PUM3: variants seen among roughly 807,000 people sequenced by gnomAD.
PUM3 encodes the protein pumilio homolog 3.
Under a neutral mutation model 84.0 loss-of-function variants are expected in PUM3, and 91 were observed. That is an observed-to-expected ratio of 1.08 (90% CI 0.91 to 1.29). The LOEUF is 1.29. PUM3 is among the 50% of genes most tolerant of loss of function. PUM3 has a pLI of 0.00. For missense variants in PUM3, 1,067 were observed against 767.5 expected (o/e 1.39, Z -4.61); for synonymous variants, 321 against 266.7 (o/e 1.20, Z -1.98).
chr9:2,819,974 G>C (rs781202962), intron 13 of PUM3, 44 bp downstream of exon 13: 1 of 1,295,922 alleles, frequency 7.7e-7, no homozygotes, highest in Non-Finnish European at 1.1e-6. Context: ...TCCACAACTG[G>C]TTTATCGATG....
At chr9:2,804,554 G>C (rs1375222349) in intron 17 of PUM3, 91 bp from the exon 18 acceptor site, 1 of 1,203,722 alleles carries the variant, frequency 8.3e-7, no homozygotes, top group Non-Finnish European at 1.2e-6. Context: ...TTTGTTAACT[G>C]TGACACAAGC....
chr9:2,837,365 A>G lies in PUM3; in HGVS notation c.119T>C (p.Val40Ala). The stretch of plus-strand genomic sequence containing the variant: ...GACTTTAGGTCCACCTTCTTTAGCA[A>G]CTTTCCTTGTTGGAAATGTCTTTGA... ...GSSKTFPTRK[V>A]AKEGGPKVTS... The change falls in exon 3 of 18, where the codon GTT (valine) becomes GCT (alanine). Residue 40 changes from valine to alanine, a missense_variant. Val to Ala is a moderately conservative substitution (Grantham distance 64, BLOSUM62 0). Transcript: ENST00000397885. 1.2e-6 allele frequency: 2 copies of G among 1,613,646 alleles called. No individual in the cohort carries two copies. Among genetic ancestry groups the G allele is most frequent in the Non-Finnish European group, 1.7e-6 (2 of 1,179,740 alleles).
At chr9:2,843,636 T>C (rs1816327052) in intron 1 of PUM3, among the ~76,000 whole-genome samples, 1 of 144,032 alleles carries the variant, frequency 6.9e-6, no homozygotes. Context: ...TGGAGTGTAG[T>C]GGCACGATCT....
At chr9:2,813,775 C>G (rs1305824021) in intron 13 of PUM3, among the ~76,000 whole-genome samples, 1 of 152,142 alleles carries the variant, frequency 6.6e-6, no homozygotes, top group Admixed American at 6.6e-5. Flanking sequence ...GTTCCAAACA[C>G]CATGTTTCTC....
At chr9:2,807,785 G>T in intron 17 of PUM3, 29 bp downstream of exon 17, 1 of 1,411,800 alleles carries the variant, frequency 7.1e-7, no homozygotes, top group Non-Finnish European at 1.0e-6. Context: ...ACCAGGCCCT[G>T]CTCAGAGAAG....
chr9:2,812,170 T>A (rs1386227081), intron 14 of PUM3, 50 bp downstream of exon 14: 3 of 1,533,182 alleles, frequency 2.0e-6, no homozygotes, highest in Non-Finnish European at 2.7e-6. Flanking sequence ...AATGCACTAC[T>A]CAACATTAAC....
In PUM3 at chr9:2,824,779, G is replaced by C. The variant is rs781640015; in HGVS notation, c.1072C>G (p.Leu358Val). The change falls in exon 11 of 18, where the codon CTG becomes GTG. Residue 358 changes from leucine to valine, a missense_variant. By Grantham distance (32) the Leu-to-Val change is conservative (BLOSUM62 1). Coordinates refer to ENST00000397885, the MANE Select transcript of PUM3 (RefSeq NM_014878.5). ...IEAIREAVVY[L>V]AHTHDGARVA... ...CTGGCGCCATCGTGTGTGTGTGCCA[G>C]GTAGACCACCGCTTCGCGGATGGCT... 1 of 1,584,940 alleles carries C rather than the reference G, an allele frequency of 6.3e-7. No homozygotes were observed. Among genetic ancestry groups the C allele is most frequent in the African/African-American group, 1.3e-5 (1 of 74,598 alleles).
At chr9:2,821,955 T>C (rs750821202) in intron 12 of PUM3, among the ~76,000 whole-genome samples, 13 of 152,188 alleles carry the variant, frequency 8.5e-5, no homozygotes, top group Admixed American at 6.5e-5. Flanking sequence ...CAGATGTATG[T>C]ATATTGAAAT....
At position 2,812,378 on chromosome 9, in the gene PUM3, C is replaced by T. The variant is rs767067634; in HGVS notation, c.1270-16G>A. ...TGATAATTTCCTATAAAATTATAAA[C>T]AAAAAAAAAGAATCAATATCTGCAT... On this transcript the variant is annotated splice_polypyrimidine_tract_variant and intron_variant, in intron 13 of 17. Transcript: ENST00000397885. 3.4e-6 allele frequency: 5 copies of T among 1,471,370 alleles called. No individual in the cohort carries two copies. In the African/African-American group the frequency reaches 4.3e-5, roughly 13 times the overall value. 91.1% of individuals were successfully genotyped at this position (1,471,370 alleles called of 1,614,324 possible). A position where few individuals can be genotyped will look rare whatever the true frequency, so the allele number is the denominator to read the frequency against.
chr9:2,842,860 T>C (rs1397469020), intron 1 of PUM3, among the ~76,000 whole-genome samples: 2 of 152,212 alleles, frequency 1.3e-5, no homozygotes, highest in East Asian at 1.9e-4. Flanking sequence ...ATACTATTTT[T>C]CCCTGCCCTA....
Position 2,831,015 on chromosome 9 carries a change from C to T in PUM3, c.624G>A (p.Glu208=). The T allele has an allele frequency of 6.7e-7, 1 of 1,492,244 alleles. No individual in the cohort carries two copies. Among genetic ancestry groups the T allele is most frequent in the Non-Finnish European group, 9.3e-7 (1 of 1,075,730 alleles). The allele number at this position is 1,492,244 out of a possible 1,614,324, so 92.4% of individuals were successfully genotyped here. A position where few individuals can be genotyped will look rare whatever the true frequency, so the allele number is the denominator to read the frequency against. Residue 208 remains glutamate (E), a synonymous_variant, in exon 7 of 18, where the codon GAG becomes GAA. Transcript: ENST00000397885. ...AFEELRDDLV[E]LSKAKYSRNI... is the part of the protein sequence containing the mutation. Reference sequence around the variant, plus strand: ...TTCTCGAATATTTGGCTTTACTTAACTCAACCAAATCATCTGAAAAACAAA... The same window carrying T: ...TTCTCGAATATTTGGCTTTACTTAATTCAACCAAATCATCTGAAAAACAAA...
At chr9:2,821,773 C>A (rs868495091) in intron 12 of PUM3, among the ~76,000 whole-genome samples, 5 of 152,074 alleles carry the variant, frequency 3.3e-5, no homozygotes, top group African/African-American at 1.2e-4. Flanking sequence ...ATCTTGCAGA[C>A]GTGTTTCCAT....
chr9:2,822,982 C>T (rs1313494243), intron 12 of PUM3, among the ~76,000 whole-genome samples: 1 of 151,588 alleles, frequency 6.6e-6, no homozygotes, highest in African/African-American at 2.4e-5. Flanking sequence ...TTGAAGTATT[C>T]CCCAGATGCT....
intron 9 of PUM3, among the ~76,000 whole-genome samples, chr9:2,827,861 T>C (rs1563832260): frequency 1.3e-5 from 2 of 152,270 alleles, no homozygotes; most frequent in Admixed American, 1.3e-4. Context: ...AATATGGTAA[T>C]TGAGGCACAG....
rs769776827 is a variant in PUM3 at position 2,837,271 on chromosome 9, C to T, written c.213G>A (p.Lys71=). 1.9e-6 allele frequency: 3 copies of T among 1,613,994 alleles called. No individual in the cohort carries two copies. The African/African-American group carries it at 4.0e-5, about 22-fold the overall frequency. ...GKKGVKQFKN[K]QQGDKSPKNK... ...TCTTTGGTGATTTGTCCCCTTGCTG[C>T]TTATTCTTGAACTGCTTTACACCCT... The change falls in exon 3 of 18, where the codon AAG becomes AAA. Residue 71 remains lysine (K), a synonymous_variant. Coordinates refer to ENST00000397885, the MANE Select transcript of PUM3 (RefSeq NM_014878.5).
intron 11 of PUM3, 46 bp from the exon 12 acceptor site, chr9:2,823,880 A>T (rs1815736208): frequency 2.0e-6 from 2 of 1,023,156 alleles, no homozygotes; most frequent in South Asian, 1.6e-5. Context: ...TTATGTATTA[A>T]GGGTATTTTG....
At chr9:2,843,779 C>T (rs921670062) in intron 1 of PUM3, among the ~76,000 whole-genome samples, 5 of 151,922 alleles carry the variant, frequency 3.3e-5, no homozygotes, top group African/African-American at 1.2e-4. Flanking sequence ...GGGGTTTCAC[C>T]GTGTTAGCCA....
rs750879430 is a variant in PUM3, at chr9:2,811,583, A to C, written c.1413T>G (p.Ser471Arg). Residue 471 changes from serine (S) to arginine (R), a missense_variant and splice_region_variant, in exon 15 of 18, where the codon AGT (serine) becomes AGG (arginine). By Grantham distance (110) the Ser-to-Arg change is moderately radical. Transcript: ENST00000397885. Reference protein sequence around the residue: ...VLQKGDGNAHSKKDTEVRRRE... With the variant: ...VLQKGDGNAHRKKDTEVRRRE... ...GTCTGCGGACCTCTGTATCTTTCTT[A>C]CTGTTGAGTATGTTGAACGGGGTAT... 6.2e-7 allele frequency: 1 copy of C among 1,611,602 alleles called. No homozygotes were observed. Among genetic ancestry groups the C allele is most frequent in the Non-Finnish European group, 8.5e-7 (1 of 1,178,058 alleles).
At chr9:2,839,368 T>A (rs562504643) in intron 1 of PUM3, among the ~76,000 whole-genome samples, 1 of 152,280 alleles carries the variant, frequency 6.6e-6, no homozygotes, top group African/African-American at 2.4e-5. Context: ...TAGATTAGAA[T>A]TGCCCATTCA....
Sources: gnomAD v4.1 joint callset for allele counts (sites outside exome capture counted in the v4.1 genomes callset) on GRCh38, gnomAD v4.1.1 for gene constraint, MANE v1.5 for transcripts, NCBI Gene and HGNC (gene_info 2026-07-23, HGNC 2026-07-21) for gene names.